The following IL1R2 variants were observed in gnomAD, a reference collection of about 807,000 sequenced individuals.
The protein encoded by IL1R2 is interleukin 1 receptor type 2.
In IL1R2, 46 loss-of-function variants were observed where a neutral mutation model predicts 39.5. That is an observed-to-expected ratio of 1.16 (90% CI 0.92 to 1.49). IL1R2 has a LOEUF of 1.49. IL1R2 is among the 40% of genes most tolerant of loss of function. The pLI, the probability that IL1R2 is intolerant of heterozygous loss-of-function variation, is 0.00. For missense variants in IL1R2, 537 were observed against 502.0 expected, an observed-to-expected ratio of 1.07 and a Z score of -0.67; for synonymous variants, 207 against 189.6, an observed-to-expected ratio of 1.09 and a Z score of -0.75.
intron 3 of IL1R2, among the ~76,000 whole-genome samples, chr2:102,013,524 C>CAAAAAAAAAAAAAAAAAAAAAAA (rs771727938): frequency 1.1e-3 from 6 of 5,686 alleles, no homozygotes; most frequent in African/African-American, 1.9e-3. Flanking sequence ...TCTATCACTG[C>CAAAAAAAAAAAAAAAAAAAAAAA]AAAAAAAAAA....
chr2:102,009,541 C>A, intron 2 of IL1R2, 21 bp from the exon 3 acceptor site: 1 of 1,610,744 alleles, frequency 6.2e-7, no homozygotes, highest in Non-Finnish European at 8.5e-7. Flanking sequence ...AAAGCCTGAC[C>A]ATGGGCTCTC....
Position 102,022,171 on chromosome 2 carries a change from C to T in IL1R2, c.689-16C>T, listed in dbSNP as rs3218960. On this transcript the variant is annotated splice_polypyrimidine_tract_variant and intron_variant, in intron 5 of 8. Coordinates refer to ENST00000332549, the MANE Select transcript of IL1R2 (RefSeq NM_004633.4). ...GGCTTTCCTAACGGAATCTCTTTTC[C>T]TTACATCTTTCTCAGAAAAAAAAGA... 723 of 1,606,194 alleles carry T rather than the reference C, an allele frequency of 4.5e-4. 3 individuals carry two copies. In the African/African-American group the frequency reaches 8.5e-3, roughly 19 times the overall value.
intron 1 of IL1R2, among the ~76,000 whole-genome samples, chr2:102,002,918 A>C (rs1321141407): frequency 7.1e-6 from 1 of 140,580 alleles, no homozygotes; most frequent in Admixed American, 7.0e-5. Context: ...GTCTATGTCT[A>C]CATGTATATC....
rs3218902 is a variant in IL1R2 at position 102,015,778 on chromosome 2, A to G, written c.333-93A>G. 1.4e-3 allele frequency: 1,482 copies of G among 1,023,664 alleles called. 15 individuals are homozygous for G. In the African/African-American group the frequency reaches 0.021, roughly 15 times the overall value. 63.4% of individuals were successfully genotyped at this position (1,023,664 alleles called of 1,614,324 possible). ...ACTAATCCAGAAAATGCAGATGCAG[A>G]TTTTAATAGAGTTGGGGAAATGATG... On this transcript the variant is annotated intron_variant, in intron 3 of 8. Transcript: ENST00000332549.
intron 1 of IL1R2, among the ~76,000 whole-genome samples, chr2:102,002,821 T>TA (rs1289786132): frequency 2.6e-5 from 4 of 152,266 alleles, no homozygotes; most frequent in African/African-American, 4.8e-5. Context: ...TGTCTGTGTC[T>TA]TTGTCCCTGT....
At chr2:102,028,117 A>G in intron 8 of IL1R2, 109 bp from the exon 9 acceptor site, 1 of 937,608 alleles carries the variant, frequency 1.1e-6, no homozygotes, top group Non-Finnish European at 1.5e-6. Flanking sequence ...CACATTTATC[A>G]AGAAAAACAA....
In IL1R2 at chr2:102,024,274, G is replaced by A. The variant is rs113726208; in HGVS notation, c.752-259G>A. 4.0e-3 allele frequency among the ~76,000 whole-genome samples: 608 copies of A among 152,314 alleles called. 2 individuals are homozygous for A. The highest frequency in any genetic ancestry group is 7.0e-3 in the Non-Finnish European group (474 of 68,022). ...TAGCATGTCCCGTGGGAGCGCAGGG[G>A]CCCTGGTGAAGCCATTTAACTTCAG... On this transcript the variant is annotated intron_variant, in intron 6 of 8. Transcript: ENST00000332549.
At chr2:102,022,300 A>G in intron 6 of IL1R2, 51 bp downstream of exon 6, 1 of 1,492,328 alleles carries the variant, frequency 6.7e-7, no homozygotes, top group African/African-American at 1.4e-5. Flanking sequence ...GGTGCCTGGT[A>G]TCCCAATGCA....
intron 4 of IL1R2, among the ~76,000 whole-genome samples, chr2:102,017,565 G>A (rs1296506288): frequency 6.6e-6 from 1 of 152,128 alleles, no homozygotes; most frequent in East Asian, 1.9e-4. Context: ...GACCGGGGTT[G>A]GAAAACCATG....
intron 3 of IL1R2, among the ~76,000 whole-genome samples, chr2:102,010,574 T>TAA (rs35560069): frequency 4.0e-4 from 51 of 126,926 alleles, no homozygotes; most frequent in African/African-American, 1.5e-3. Context: ...AGACTCTGTC[T>TAA]AAAAAAAAAA....
In IL1R2 at chr2:102,019,719, C is replaced by T. The variant is rs773269498; in HGVS notation, c.595C>T (p.Leu199=). 24 of 1,613,992 alleles carry T rather than the reference C, an allele frequency of 1.5e-5. No homozygotes were observed. Among genetic ancestry groups the T allele is most frequent in the Non-Finnish European group, 2.0e-5 (24 of 1,179,888 alleles). The change falls in exon 5 of 9, where the codon CTG becomes TTG. Residue 199 remains leucine (L), a synonymous_variant. Coordinates refer to ENST00000332549, the MANE Select transcript of IL1R2 (RefSeq NM_004633.4). ...TTHLLVHDVA[L]EDAGYYRCVL... ...TCACTTACTCGTACACGATGTGGCC[C>T]TGGAAGATGCTGGCTATTACCGCTG...
At chr2:102,019,988 G>A (rs1167164516) in intron 5 of IL1R2, among the ~76,000 whole-genome samples, 176 bp downstream of exon 5, 1 of 152,202 alleles carries the variant, frequency 6.6e-6, no homozygotes, top group Non-Finnish European at 1.5e-5. Flanking sequence ...TACTTTGAAA[G>A]GTATAAATCA....
chr2:102,017,517 G>T (rs1677083035), intron 4 of IL1R2, among the ~76,000 whole-genome samples: 1 of 152,080 alleles, frequency 6.6e-6, no homozygotes, highest in African/African-American at 2.4e-5. Context: ...TGCTCCTAGT[G>T]AGAACATCAG....
chr2:102,018,398 C>T (rs997014820), intron 4 of IL1R2, among the ~76,000 whole-genome samples: 1 of 152,202 alleles, frequency 6.6e-6, no homozygotes, highest in Non-Finnish European at 1.5e-5. Context: ...CTCCACCTCT[C>T]GAACCTGTTT....
rs577724922 is a variant in IL1R2, at chr2:102,001,059, C to T, written c.-61-7456C>T. On this transcript the variant is annotated intron_variant, in intron 1 of 8. Transcript: ENST00000332549. ...TGGTCTTGCTGGGTGTCAGTCAGGG[C>T]AGGGTCTAATGCAGGAGGCAGGTGA... Among the ~76,000 whole-genome samples, 12 of 152,278 alleles carry T rather than the reference C, an allele frequency of 7.9e-5. No individual in the cohort carries two copies. In the East Asian group the frequency reaches 1.7e-3, roughly 22 times the overall value.
At chr2:102,000,511 G>A (rs970177388) in intron 1 of IL1R2, among the ~76,000 whole-genome samples, 2 of 152,222 alleles carry the variant, frequency 1.3e-5, no homozygotes, top group African/African-American at 4.8e-5. Flanking sequence ...TTAAGAGGGA[G>A]GAAATTTTGG....
At chr2:102,007,895 C>A (rs3218849) in intron 1 of IL1R2, among the ~76,000 whole-genome samples, 7 of 152,180 alleles carry the variant, frequency 4.6e-5, no homozygotes, top group Non-Finnish European at 1.0e-4. Flanking sequence ...TCTGTACGCT[C>A]TCTGCTTAGG....
At chr2:102,007,013 G>C (rs1577696101) in intron 1 of IL1R2, among the ~76,000 whole-genome samples, 1 of 152,210 alleles carries the variant, frequency 6.6e-6, no homozygotes. Flanking sequence ...CTGCCGCTCA[G>C]AGCCAGGCCT....
At chr2:102,024,283 A>G (rs1464954524) in intron 6 of IL1R2, among the ~76,000 whole-genome samples, 2 of 152,188 alleles carry the variant, frequency 1.3e-5, no homozygotes, top group African/African-American at 4.8e-5. Flanking sequence ...GGCCCTGGTG[A>G]AGCCATTTAA....
Sources: allele counts gnomAD v4.1 joint callset (sites outside exome capture counted in the v4.1 genomes callset), GRCh38; gene constraint gnomAD v4.1.1; transcripts MANE v1.5; gene names NCBI Gene and HGNC (gene_info 2026-07-23, HGNC 2026-07-21).